The following DIP2A variants were observed in gnomAD, a reference collection of about 807,000 sequenced individuals.
DIP2A encodes the protein disco-interacting protein 2 homolog A.
A neutral mutation model predicts 177.4 loss-of-function variants in DIP2A; 85 were observed. The observed-to-expected ratio is 0.48, with a 90% CI of 0.40 to 0.57. The LOEUF (loss-of-function observed/expected upper bound fraction) is 0.57, where lower values mean the gene tolerates loss of function less well. Ranked by LOEUF, DIP2A falls within the 20% of genes least tolerant of loss-of-function variation. DIP2A has a pLI of 0.00. For synonymous variants in DIP2A, 886 were observed against 881.8 expected (o/e 1.00, Z -0.08); for missense variants, 1,791 against 2,100.2 (o/e 0.85, Z 2.88).
the DIP2A span, among the ~76,000 whole-genome samples, chr21:46,580,378 T>A: frequency 6.6e-6 from 1 of 152,232 alleles, no homozygotes; most frequent in Non-Finnish European, 1.5e-5. Context: ...AGCACACTGA[T>A]GGGTCTTAAC....
intron 32 of DIP2A, 126 bp downstream of exon 32, chr21:46,558,519 T>G (rs1156382220): frequency 1.1e-6 from 1 of 915,620 alleles, no homozygotes; most frequent in South Asian, 1.5e-5. Flanking sequence ...GCCTTTGATA[T>G]CTCATTTCCA....
chr21:46,516,632 A>G (rs1456082071), intron 8 of DIP2A, among the ~76,000 whole-genome samples: 2 of 151,552 alleles, frequency 1.3e-5, no homozygotes, highest in South Asian at 2.1e-4. Context: ...AGCTGGGACT[A>G]TAGGCGCCTG....
intron 1 of DIP2A, among the ~76,000 whole-genome samples, chr21:46,461,285 A>AAAAAAAAAAAAAAAAAAAAAAAAAAG (rs1325712047): frequency 6.7e-6 from 1 of 149,492 alleles, no homozygotes; most frequent in Non-Finnish European, 1.5e-5. Flanking sequence ...AAAAAAAAAA[A>AAAAAAAAAAAAAAAAAAAAAAAAAAG]AAAAAAAAGG....
At chr21:46,510,532 T>A (rs968590639) in intron 7 of DIP2A, among the ~76,000 whole-genome samples, 1 of 152,146 alleles carries the variant, frequency 6.6e-6, no homozygotes, top group Non-Finnish European at 1.5e-5. Flanking sequence ...TTGGGCAAAT[T>A]TTGGTTATAC....
At chr21:46,576,141 A>C in the DIP2A span, among the ~76,000 whole-genome samples, 1 of 152,196 alleles carries the variant, frequency 6.6e-6, no homozygotes, top group Non-Finnish European at 1.5e-5. Context: ...AAAAATTTTT[A>C]AGTTCTAGGG....
intron 6 of DIP2A, 60 bp from the exon 7 acceptor site, chr21:46,509,197 C>T (rs1314574185): frequency 6.5e-7 from 1 of 1,541,256 alleles, no homozygotes; most frequent in Non-Finnish European, 8.7e-7. Flanking sequence ...GACCTTACAC[C>T]TGTGTCCACT....
chr21:46,567,757 C>G lies in DIP2A; in HGVS notation c.*135C>G. Reference sequence around the variant, plus strand: ...CTTACAGATCCCTCTCAACAATCCCCGCATCTCCTTTTAGAAAGCACTTCC... The same window carrying G: ...CTTACAGATCCCTCTCAACAATCCCGGCATCTCCTTTTAGAAAGCACTTCC... On this transcript the variant is annotated 3_prime_UTR_variant, in exon 38 of 38. Coordinates refer to ENST00000417564, the MANE Select transcript of DIP2A (RefSeq NM_015151.4). 9.6e-7 allele frequency: 1 copy of G among 1,046,862 alleles called. No individual in the cohort carries two copies. Among genetic ancestry groups the G allele is most frequent in the Non-Finnish European group, 1.3e-6 (1 of 763,408 alleles). The allele number at this position is 1,046,862 out of a possible 1,614,324, so 64.8% of individuals were successfully genotyped here.
chr21:46,547,289 A>G, intron 21 of DIP2A: 1 of 1,162,410 alleles, frequency 8.6e-7, no homozygotes, highest in Non-Finnish European at 1.1e-6. Context: ...ATTTGGGGCA[A>G]AGGCTCAAGG....
chr21:46,486,300 G>C (rs1011262163), intron 2 of DIP2A, among the ~76,000 whole-genome samples: 1 of 152,104 alleles, frequency 6.6e-6, no homozygotes, highest in African/African-American at 2.4e-5. Context: ...AAACTCCTGG[G>C]TTTGAGCAGT....
chr21:46,530,674 G>T (rs986913662), intron 9 of DIP2A, among the ~76,000 whole-genome samples: 1 of 152,120 alleles, frequency 6.6e-6, no homozygotes, highest in African/African-American at 2.4e-5. Flanking sequence ...AGAACAGAAA[G>T]TAGAACATTT....
chr21:46,509,332 C>T lies in DIP2A; in HGVS notation c.860C>T (p.Pro287Leu), dbSNP rs781347027. Residue 287 changes from proline (P) to leucine (L), a missense_variant, in exon 7 of 38, where the codon CCA becomes CTA. Physicochemically the swap from Pro to Leu is moderately conservative, Grantham distance 98. Transcript: ENST00000417564. ...ACCCTGAAGAGGCCAAAGCGCCCTC[C>T]ACTGAAGGAGTTCTTTGTGGATGAT... is the stretch of plus-strand genomic sequence containing the variant. ...LNTLKRPKRPPLKEFFVDDFE... is the reference protein window; with the variant it reads ...LNTLKRPKRPLLKEFFVDDFE... The T allele has an allele frequency of 6.2e-7, 1 of 1,613,652 alleles. No individual in the cohort carries two copies. Among genetic ancestry groups the T allele is most frequent in the Non-Finnish European group, 8.5e-7 (1 of 1,179,760 alleles).
In DIP2A at chr21:46,509,270, C is replaced by G; in HGVS notation, c.798C>G (p.Asn266Lys). 6.2e-7 allele frequency: 1 copy of G among 1,613,252 alleles called. No individual in the cohort carries two copies. Among genetic ancestry groups the G allele is most frequent in the East Asian group, 2.2e-5 (1 of 44,856 alleles). Residue 266 changes from asparagine to lysine, a missense_variant, in exon 7 of 38, where the codon AAC (asparagine) becomes AAG (lysine). Asn to Lys is a moderately conservative substitution (Grantham distance 94, BLOSUM62 0). Transcript: ENST00000417564. ...MLETADGVPV[N>K]SRVSSKIQQL... ...TTCCCGTGACAGGTGTCCCTGTGAA[C>G]AGCAGAGTGTCCTCCAAAATCCAGC...
chr21:46,519,938 G>A (rs890072539), intron 8 of DIP2A, among the ~76,000 whole-genome samples: 2 of 129,182 alleles, frequency 1.5e-5, no homozygotes, highest in South Asian at 2.6e-4. Flanking sequence ...GCAGTGGTGC[G>A]ATCTCGGCTC....
intron 1 of DIP2A, among the ~76,000 whole-genome samples, chr21:46,477,205 C>G (rs184019740): frequency 2.8e-4 from 43 of 152,160 alleles, no homozygotes; most frequent in Middle Eastern, 6.8e-3. Context: ...GTCAAGGAAG[C>G]ACGTGCCCTT....
chr21:46,488,047 T>C (rs542150567), intron 2 of DIP2A, among the ~76,000 whole-genome samples: 17 of 152,302 alleles, frequency 1.1e-4, no homozygotes, highest in African/African-American at 3.9e-4. Context: ...TTTGAGTTAC[T>C]AAACCTGATT....
intron 8 of DIP2A, among the ~76,000 whole-genome samples, chr21:46,528,568 T>TTTTTTATTTTTTTTTTTTTA (rs1569043246): frequency 1.1e-5 from 1 of 90,576 alleles, no homozygotes; most frequent in Admixed American, 1.2e-4. Context: ...TTTTTTTTTT[T>TTTTTTATTTTTTTTTTTTTA]AGATAATGTC....
intron 8 of DIP2A, among the ~76,000 whole-genome samples, chr21:46,526,894 A>G (rs2059118619): frequency 6.6e-6 from 1 of 152,180 alleles, no homozygotes; most frequent in Admixed American, 6.5e-5. Context: ...AATGCTGAAA[A>G]CAGACATCCT....
At chr21:46,482,797 TA>T (rs1440901696) in intron 1 of DIP2A, among the ~76,000 whole-genome samples, 1 of 152,214 alleles carries the variant, frequency 6.6e-6, no homozygotes, top group African/African-American at 2.4e-5. Flanking sequence ...TCTGTGATCC[TA>T]AGTGAGATTC....
downstream of DIP2A, among the ~76,000 whole-genome samples, chr21:46,572,984 G>C (rs571876230): frequency 3.9e-5 from 6 of 152,230 alleles, no homozygotes; most frequent in South Asian, 1.2e-3. Context: ...TAGGTGTGTT[G>C]TAGGCTAGGT....
Sources: gnomAD v4.1 joint callset for allele counts (sites outside exome capture counted in the v4.1 genomes callset) on GRCh38, gnomAD v4.1.1 for gene constraint, MANE v1.5 for transcripts, NCBI Gene and HGNC (gene_info 2026-07-23, HGNC 2026-07-21) for gene names.